Variants in ATXN1 observed in about 807,000 individuals in gnomAD.
The protein encoded by ATXN1 is ataxin-1.
Under a neutral mutation model 56.4 loss-of-function variants are expected in ATXN1, and 8 were observed. The ratio of observed to expected loss-of-function variants is 0.14; its 90% CI spans 0.08 to 0.26. The LOEUF (loss-of-function observed/expected upper bound fraction) is 0.26. Ranked by LOEUF, ATXN1 falls within the 10% of genes least tolerant of loss-of-function variation. ATXN1 has a pLI of 1.00. For synonymous variants in ATXN1, 514 were observed against 494.6 expected (o/e 1.04, Z -0.52); for missense variants, 987 against 1,106.5 (o/e 0.89, Z 1.53).
intron 3 of ATXN1, among the ~76,000 whole-genome samples, chr6:16,611,945 C>T (rs1434395112): frequency 1.4e-5 from 2 of 146,830 alleles, no homozygotes; most frequent in East Asian, 2.1e-4. Context: ...CTGCAAGCTC[C>T]GCCTCCTGGG....
intron 4 of ATXN1, among the ~76,000 whole-genome samples, chr6:16,531,659 A>C (rs1184945821): frequency 6.6e-6 from 1 of 152,016 alleles, no homozygotes; most frequent in Non-Finnish European, 1.5e-5. Context: ...CCCATGTTAG[A>C]AACCTTTTGG....
At chr6:16,734,331 G>A (rs940407397) in intron 2 of ATXN1, among the ~76,000 whole-genome samples, 5 of 152,044 alleles carry the variant, frequency 3.3e-5, no homozygotes, top group South Asian at 2.1e-4. Flanking sequence ...CGCAAGGAAC[G>A]CTCGCCTTCA....
rs747340486 is a variant in ATXN1, at chr6:16,327,458, G to C, written c.853C>G (p.Pro285Ala). Reference protein sequence around the residue: ...TMIPHTLTLGPPSQVVMQYAD... With the variant: ...TMIPHTLTLGAPSQVVMQYAD... ...TATTGCATGACGACCTGGGAGGGGG[G>C]CCCCAGGGTGAGCGTGTGTGGGATC... Residue 285 changes from proline to alanine, a missense_variant, in exon 7 of 8, where the codon CCC becomes GCC. Physicochemically the swap from Pro to Ala is conservative, Grantham distance 27. Transcript: ENST00000436367. 1.1e-5 allele frequency: 17 copies of C among 1,613,570 alleles called. No homozygotes were observed. The highest frequency in any genetic ancestry group is 3.3e-4 in the Middle Eastern group (2 of 6,062).
At chr6:16,474,665 C>G (rs1409682574) in intron 6 of ATXN1, among the ~76,000 whole-genome samples, 1 of 152,154 alleles carries the variant, frequency 6.6e-6, no homozygotes, top group Non-Finnish European at 1.5e-5. Flanking sequence ...GAAAGCTTCC[C>G]TGATCCCAGA....
At chr6:16,331,467 G>A (rs193085417) in intron 6 of ATXN1, among the ~76,000 whole-genome samples, 2 of 152,330 alleles carry the variant, frequency 1.3e-5, no homozygotes, top group East Asian at 3.9e-4. Flanking sequence ...GAAAACTCAT[G>A]CGTGAGACCT....
intron 6 of ATXN1, among the ~76,000 whole-genome samples, chr6:16,460,675 T>C (rs9396676): frequency 0.075 from 11,387 of 152,254 alleles, 728 homozygotes; most frequent in East Asian, 0.3. Flanking sequence ...CCCAGACTTA[T>C]GCTTCCCAAC....
At chr6:16,543,595 G>C (rs1486470555) in intron 4 of ATXN1, among the ~76,000 whole-genome samples, 1 of 135,838 alleles carries the variant, frequency 7.4e-6, no homozygotes, top group African/African-American at 2.9e-5. Context: ...AATTCTGTTT[G>C]CATGTGTTCT....
intron 3 of ATXN1, among the ~76,000 whole-genome samples, chr6:16,612,929 G>C (rs1237773285): frequency 6.7e-6 from 1 of 149,976 alleles, no homozygotes; most frequent in East Asian, 2.0e-4. Context: ...CCTAAGAAAA[G>C]CAATATAAAG....
intron 7 of ATXN1, among the ~76,000 whole-genome samples, chr6:16,311,236 G>A (rs1429301047): frequency 6.6e-6 from 1 of 152,112 alleles, no homozygotes; most frequent in Non-Finnish European, 1.5e-5. Flanking sequence ...TAAATTTTAC[G>A]AATAGTCACA....
chr6:16,542,798 G>GAGTT (rs1267557034), intron 4 of ATXN1, among the ~76,000 whole-genome samples: 1 of 152,012 alleles, frequency 6.6e-6, no homozygotes, highest in African/African-American at 2.4e-5. Context: ...ACCCATGATA[G>GAGTT]AGTTTAATTT....
intron 6 of ATXN1, among the ~76,000 whole-genome samples, chr6:16,404,516 G>C (rs897107215): frequency 1.3e-5 from 2 of 152,136 alleles, no homozygotes; most frequent in Non-Finnish European, 2.9e-5. Flanking sequence ...TGGGACTCAA[G>C]AGATGCTGAG....
intron 6 of ATXN1, among the ~76,000 whole-genome samples, chr6:16,442,782 C>T (rs982471746): frequency 4.6e-5 from 7 of 152,070 alleles, no homozygotes; most frequent in Non-Finnish European, 7.4e-5. Flanking sequence ...GAGGCCAAGG[C>T]GGGTGGATCA....
At chr6:16,671,301 TTTTCTTTC>T (rs200946216) in intron 2 of ATXN1, among the ~76,000 whole-genome samples, 1 of 92,908 alleles carries the variant, frequency 1.1e-5, no homozygotes, top group African/African-American at 5.5e-5. Flanking sequence ...GGCACTTTTC[TTTTCTTTC>T]TTTTTTTTTT....
rs759918365 is a variant in ATXN1, at chr6:16,299,783, A to G, written c.*6546T>C. The stretch of plus-strand genomic sequence containing the variant: ...ATCTTGAAACCTCCTTTCGGCTGAC[A>G]CTAATTTGGGTTTAGAGTTGAGCAG... On this transcript the variant is annotated 3_prime_UTR_variant, in exon 8 of 8. Transcript: ENST00000436367. 9.2e-5 allele frequency: 14 copies of G among 152,666 alleles called. No individual in the cohort carries two copies. The highest frequency in any genetic ancestry group is 1.8e-4 in the Non-Finnish European group (12 of 68,050). The allele number at this position is 152,666 out of a possible 1,614,324, so 9.5% of individuals were successfully genotyped here.
At chr6:16,669,779 G>A (rs1014226635) in intron 2 of ATXN1, among the ~76,000 whole-genome samples, 5 of 149,082 alleles carry the variant, frequency 3.4e-5, no homozygotes, top group Admixed American at 1.4e-4. Context: ...CCTTCAACCC[G>A]TCATCTAGGT....
chr6:16,570,814 G>C (rs1762319355), intron 4 of ATXN1, among the ~76,000 whole-genome samples: 1 of 152,206 alleles, frequency 6.6e-6, no homozygotes, highest in South Asian at 2.1e-4. Context: ...TTGAAATGGA[G>C]TCTGTCTAAT....
chr6:16,525,641 A>G (rs992237552), intron 4 of ATXN1, among the ~76,000 whole-genome samples: 1 of 152,174 alleles, frequency 6.6e-6, no homozygotes, highest in African/African-American at 2.4e-5. Flanking sequence ...AGTCAATAAT[A>G]ACTGTACATT....
chr6:16,307,804 A>G (rs937353773), intron 7 of ATXN1, among the ~76,000 whole-genome samples: 1 of 152,198 alleles, frequency 6.6e-6, no homozygotes. Flanking sequence ...AAATAAATTT[A>G]AAAACTCTGG....
In ATXN1 at chr6:16,425,376, G is replaced by A. The variant is rs538518677; in HGVS notation, c.-161+60596C>T. 5.3e-5 allele frequency among the ~76,000 whole-genome samples: 8 copies of A among 152,272 alleles called. No homozygotes were observed. In the East Asian group the frequency reaches 7.7e-4, roughly 15 times the overall value. On this transcript the variant is annotated intron_variant, in intron 6 of 7. Transcript: ENST00000436367. The stretch of plus-strand genomic sequence containing the variant: ...AAGGAGAATTTGAATAGCATTTTAC[G>A]CATTAACTGTCTGGGAATGCTCCCA...
Sources: allele counts gnomAD v4.1 joint callset (sites outside exome capture counted in the v4.1 genomes callset), GRCh38; gene constraint gnomAD v4.1.1; transcripts MANE v1.5; gene names NCBI Gene and HGNC (gene_info 2026-07-23, HGNC 2026-07-21).